SLC5A12: variants seen among roughly 807,000 people sequenced by gnomAD.
The protein encoded by SLC5A12 is sodium-coupled monocarboxylate transporter 2.
In SLC5A12, 46 loss-of-function variants were observed where a neutral mutation model predicts 72.7. That is an observed-to-expected ratio of 0.63 (90% CI 0.50 to 0.81). The LOEUF (loss-of-function observed/expected upper bound fraction) is 0.81. SLC5A12 is among the 30% of genes least tolerant of loss of function. SLC5A12 has a pLI of 0.00. For synonymous variants in SLC5A12, 275 were observed against 264.4 expected (o/e 1.04, Z -0.39); for missense variants, 683 against 740.7 (o/e 0.92, Z 0.90).
At chr11:26,681,008 G>A in intron 12 of SLC5A12, 47 bp downstream of exon 12, 1 of 1,478,902 alleles carries the variant, frequency 6.8e-7, no homozygotes, top group Non-Finnish European at 9.0e-7. Flanking sequence ...CCTCTTACCA[G>A]GTGACCCACT....
At chr11:26,723,291 G>A (rs1269987010), upstream of SLC5A12, 1 of 151,454 alleles carries the variant, frequency 6.6e-6, no homozygotes, top group Non-Finnish European at 1.5e-5. Context: ...GATAGCTAAA[G>A]TATGCTTTTA....
At chr11:26,687,036 T>C (rs1401335524) in intron 9 of SLC5A12, among the ~76,000 whole-genome samples, 1 of 152,222 alleles carries the variant, frequency 6.6e-6, no homozygotes, top group African/African-American at 2.4e-5. Flanking sequence ...TTCAGATTTT[T>C]CCCTTTGGCG....
intron 1 of SLC5A12, among the ~76,000 whole-genome samples, chr11:26,718,551 C>G (rs998075017): frequency 1.3e-5 from 2 of 152,062 alleles, no homozygotes; most frequent in East Asian, 3.9e-4. Flanking sequence ...CTCCCAGGTT[C>G]AAGTGATTCT....
At chr11:26,712,934 G>A (rs1175520470) in intron 1 of SLC5A12, among the ~76,000 whole-genome samples, 1 of 152,126 alleles carries the variant, frequency 6.6e-6, no homozygotes, top group Admixed American at 6.6e-5. Context: ...GAGAAGAGAA[G>A]TGGGTTGTTT....
chr11:26,709,437 G>T, intron 3 of SLC5A12, 58 bp from the exon 4 acceptor site: 1 of 1,272,302 alleles, frequency 7.9e-7, no homozygotes, highest in Non-Finnish European at 1.1e-6. Context: ...AAAAGAGCAA[G>T]TTTTATGAGG....
intron 6 of SLC5A12, among the ~76,000 whole-genome samples, chr11:26,702,033 A>G (rs1302668682): frequency 1.3e-5 from 2 of 152,232 alleles, no homozygotes; most frequent in African/African-American, 2.4e-5. Context: ...AAAACTAGAT[A>G]TAACAAAGAA....
chr11:26,670,434 T>C lies in SLC5A12; in HGVS notation c.*668A>G, dbSNP rs913663372. 2 of 152,028 alleles carry C rather than the reference T, an allele frequency of 1.3e-5. No homozygotes were observed. The highest frequency in any genetic ancestry group is 2.9e-5 in the Non-Finnish European group (2 of 68,010). 9.4% of individuals were successfully genotyped at this position (152,028 alleles called of 1,614,324 possible). A position where few individuals can be genotyped will look rare whatever the true frequency, so the allele number is the denominator to read the frequency against. ...AAAGGAGCAAAGTTTTTAGTTATAA[T>C]CACTCCCACTAGCCAGACATACCAT... On this transcript the variant is annotated 3_prime_UTR_variant, in exon 15 of 15. Coordinates refer to ENST00000396005, the MANE Select transcript of SLC5A12 (RefSeq NM_178498.4).
rs780684017 is a variant in SLC5A12 at position 26,709,391 on chromosome 11, G to GA, written c.458-13dup. 3.9e-5 allele frequency: 62 copies of GA among 1,595,520 alleles called. No individual in the cohort carries two copies. The highest frequency in any genetic ancestry group is 5.0e-5 in the Non-Finnish European group (59 of 1,170,620). On this transcript the variant is annotated splice_polypyrimidine_tract_variant and intron_variant, in intron 3 of 14. Coordinates refer to ENST00000396005, the MANE Select transcript of SLC5A12 (RefSeq NM_178498.4). ...ATCAAACCCAGTCACTAGGAAAGAA[G>GA]AAAAAAATATTAAAAGAAGTTTCCT...
At chr11:26,698,690 C>T (rs1350614129) in intron 6 of SLC5A12, among the ~76,000 whole-genome samples, 155 bp from the exon 7 acceptor site, 1 of 151,954 alleles carries the variant, frequency 6.6e-6, no homozygotes, top group East Asian at 1.9e-4. Context: ...TATACTTTTG[C>T]TATTTTTTTT....
intron 4 of SLC5A12, among the ~76,000 whole-genome samples, chr11:26,706,732 C>A (rs940279655): frequency 6.6e-6 from 1 of 151,558 alleles, no homozygotes; most frequent in South Asian, 2.1e-4. Flanking sequence ...TGAGTACTCT[C>A]TTCCTGATTT....
chr11:26,683,116 T>C (rs1287303940), intron 11 of SLC5A12, among the ~76,000 whole-genome samples: 2 of 152,200 alleles, frequency 1.3e-5, no homozygotes, highest in African/African-American at 2.4e-5. Flanking sequence ...AATTGAAAGA[T>C]GGCAATTTTG....
At chr11:26,703,993 C>T in intron 4 of SLC5A12, 46 bp from the exon 5 acceptor site, 1 of 1,604,674 alleles carries the variant, frequency 6.2e-7, no homozygotes, top group Non-Finnish European at 8.5e-7. Context: ...AACCCTGTAA[C>T]TGTACTGGCT....
At chr11:26,697,313 G>A (rs1368473646) in intron 7 of SLC5A12, 61 bp from the exon 8 acceptor site, 4 of 1,441,004 alleles carry the variant, frequency 2.8e-6, no homozygotes, top group East Asian at 2.4e-5. Flanking sequence ...AAAGAAAAGA[G>A]AAGAGAGAGA....
intron 9 of SLC5A12, 59 bp from the exon 10 acceptor site, chr11:26,686,603 G>C: frequency 1.3e-5 from 19 of 1,438,680 alleles, no homozygotes; most frequent in Non-Finnish European, 1.8e-5. Flanking sequence ...TTCAAGGGAT[G>C]CCTTGAGCCC....
chr11:26,691,180 G>GA (rs1234309732), intron 9 of SLC5A12, among the ~76,000 whole-genome samples: 1 of 151,696 alleles, frequency 6.6e-6, no homozygotes, highest in Non-Finnish European at 1.5e-5. Flanking sequence ...ATTACTATCT[G>GA]AAAAAAATGC....
At chr11:26,695,106 C>A (rs1014642189) in intron 8 of SLC5A12, among the ~76,000 whole-genome samples, 51 of 151,876 alleles carry the variant, frequency 3.4e-4, no homozygotes, top group African/African-American at 1.2e-3. Flanking sequence ...TTTTTTAAAA[C>A]CCCTAGATAT....
intron 11 of SLC5A12, among the ~76,000 whole-genome samples, chr11:26,683,069 T>C (rs1205267420): frequency 6.6e-6 from 1 of 152,190 alleles, no homozygotes; most frequent in East Asian, 1.9e-4. Context: ...CAAAAGACTT[T>C]CTCAAAATAC....
At chr11:26,680,233 C>T (rs951738750) in intron 12 of SLC5A12, among the ~76,000 whole-genome samples, 1 of 145,882 alleles carries the variant, frequency 6.9e-6, no homozygotes, top group Non-Finnish European at 1.5e-5. Context: ...CTCTTACATA[C>T]AATTAGAATG....
intron 14 of SLC5A12, 106 bp from the exon 15 acceptor site, chr11:26,671,357 T>A: frequency 7.0e-5 from 61 of 872,264 alleles, no homozygotes; most frequent in East Asian, 8.6e-5. Context: ...TATATATATG[T>A]ACAAAAGAAG....
Sources: allele counts gnomAD v4.1 joint callset (sites outside exome capture counted in the v4.1 genomes callset), GRCh38; gene constraint gnomAD v4.1.1; transcripts MANE v1.5; gene names NCBI Gene and HGNC (gene_info 2026-07-23, HGNC 2026-07-21).